SYT16: variants seen among roughly 807,000 people sequenced by gnomAD.
The protein encoded by SYT16 is synaptotagmin 16.
In SYT16, 42 loss-of-function variants were observed where a neutral mutation model predicts 61.4. The observed-to-expected ratio is 0.68, with a 90% CI of 0.53 to 0.89. The LOEUF (loss-of-function observed/expected upper bound fraction) is 0.89, where lower values mean the gene tolerates loss of function less well. SYT16 is among the 40% of genes least tolerant of loss of function. The pLI, the probability that SYT16 is intolerant of heterozygous loss-of-function variation, is 0.00. For synonymous variants in SYT16, 314 were observed against 302.3 expected, an observed-to-expected ratio of 1.04 and a Z score of -0.40; for missense variants, 804 against 807.3, an observed-to-expected ratio of 1.00 and a Z score of 0.05.
At chr14:61,818,539 G>A (rs570812656) in intron 1 of SYT16, among the ~76,000 whole-genome samples, 129 of 152,126 alleles carry the variant, frequency 8.5e-4, no homozygotes, top group Middle Eastern at 3.4e-3. Flanking sequence ...TTAGCAGGGC[G>A]TGGTGGCACT....
intron 1 of SYT16, among the ~76,000 whole-genome samples, chr14:61,926,551 A>G (rs2049546571): frequency 6.6e-6 from 1 of 152,196 alleles, no homozygotes; most frequent in Non-Finnish European, 1.5e-5. Context: ...AATTAAGGTC[A>G]GTTGGAAGGA....
At chr14:61,994,784 G>A (rs568201414) in intron 2 of SYT16, among the ~76,000 whole-genome samples, 1 of 152,300 alleles carries the variant, frequency 6.6e-6, no homozygotes, top group South Asian at 2.1e-4. Flanking sequence ...CATTGTGCCA[G>A]CATTTAATAG....
chr14:61,885,859 A>G (rs2047879251), intron 1 of SYT16, among the ~76,000 whole-genome samples: 1 of 152,184 alleles, frequency 6.6e-6, no homozygotes, highest in Non-Finnish European at 1.5e-5. Context: ...CAGTCATCTA[A>G]GTCTTCAGTG....
chr14:61,838,904 A>G (rs1314630894), intron 1 of SYT16, among the ~76,000 whole-genome samples: 1 of 152,146 alleles, frequency 6.6e-6, no homozygotes, highest in Non-Finnish European at 1.5e-5. Context: ...CTGCAGCTAA[A>G]TCTTCTCTTT....
chr14:62,090,706 TAGAAA>T (rs911724833), intron 7 of SYT16, among the ~76,000 whole-genome samples: 5 of 152,166 alleles, frequency 3.3e-5, no homozygotes, highest in Admixed American at 1.3e-4. Context: ...TTAAAAGCAA[TAGAAA>T]AGAAAAGATA....
Position 61,984,255 on chromosome 14 carries a change from TA to T in SYT16, c.-144-11620del, listed in dbSNP as rs201678193. Among the ~76,000 whole-genome samples, 1,065 of 152,296 alleles carry T rather than the reference TA, an allele frequency of 7.0e-3. 17 individuals are homozygous for T. The highest frequency in any genetic ancestry group is 0.025 in the African/African-American group (1,020 of 41,550). On this transcript the variant is annotated intron_variant, in intron 2 of 7. Transcript: ENST00000683842. ...AGATGTCAGAGTCCTTTTAAATTTT[TA>T]TTTTTCCTATTGTTTGTTTTTGTGG... is the stretch of plus-strand genomic sequence containing the variant.
chr14:61,847,933 A>C (rs1001167181), intron 1 of SYT16, among the ~76,000 whole-genome samples: 6 of 152,128 alleles, frequency 3.9e-5, no homozygotes, highest in Non-Finnish European at 5.9e-5. Context: ...TCTTTGTTAC[A>C]TTTATCTGAT....
At chr14:61,837,927 A>C (rs2046184164) in intron 1 of SYT16, among the ~76,000 whole-genome samples, 1 of 152,216 alleles carries the variant, frequency 6.6e-6, no homozygotes, top group Non-Finnish European at 1.5e-5. Context: ...ATTTGAAGAG[A>C]TACTTCATAG....
At chr14:62,036,081 G>T (rs2054494711) in intron 3 of SYT16, among the ~76,000 whole-genome samples, 1 of 152,042 alleles carries the variant, frequency 6.6e-6, no homozygotes, top group Non-Finnish European at 1.5e-5. Context: ...AGATTATTTT[G>T]GTAAGTGCTT....
intron 1 of SYT16, among the ~76,000 whole-genome samples, chr14:61,965,368 A>G (rs977613250): frequency 3.9e-5 from 6 of 152,182 alleles, no homozygotes; most frequent in Non-Finnish European, 8.8e-5. Context: ...AAGTACTCAT[A>G]AGCACAGAAA....
intron 1 of SYT16, among the ~76,000 whole-genome samples, chr14:61,843,687 G>C (rs1042005612): frequency 7.9e-5 from 12 of 152,056 alleles, no homozygotes; most frequent in Admixed American, 7.9e-4. Flanking sequence ...TATGCTCTTG[G>C]CACCTTTGTC....
intron 3 of SYT16, among the ~76,000 whole-genome samples, chr14:62,041,626 C>T (rs531893818): frequency 2.6e-5 from 4 of 152,186 alleles, no homozygotes; most frequent in Non-Finnish European, 5.9e-5. Context: ...CTGCCTCAGC[C>T]TCCTGAGTAG....
chr14:62,032,059 G>A (rs1182176702), intron 3 of SYT16, among the ~76,000 whole-genome samples: 1 of 152,152 alleles, frequency 6.6e-6, no homozygotes, highest in African/African-American at 2.4e-5. Flanking sequence ...AATGGCTAGA[G>A]AGGTTAGAAG....
intron 1 of SYT16, among the ~76,000 whole-genome samples, chr14:61,819,794 C>A (rs907315155): frequency 8.5e-5 from 13 of 152,302 alleles, no homozygotes; most frequent in African/African-American, 3.1e-4. Flanking sequence ...GAGTCGTGAA[C>A]TCTGGTCCTG....
chr14:61,923,469 AT>A (rs1362562380), intron 1 of SYT16, among the ~76,000 whole-genome samples: 6 of 152,170 alleles, frequency 3.9e-5, no homozygotes, highest in Non-Finnish European at 8.8e-5. Context: ...TCAAGCAACC[AT>A]TCCAGGAACC....
At chr14:61,920,165 T>C (rs2049276269) in intron 1 of SYT16, among the ~76,000 whole-genome samples, 1 of 152,192 alleles carries the variant, frequency 6.6e-6, no homozygotes, top group South Asian at 2.1e-4. Context: ...CCTCCTACCT[T>C]GTTGGTTGCT....
intron 1 of SYT16, among the ~76,000 whole-genome samples, chr14:61,966,889 T>G (rs2051336610): frequency 6.6e-6 from 1 of 152,154 alleles, no homozygotes; most frequent in Non-Finnish European, 1.5e-5. Context: ...ATAGAAGAGT[T>G]CCAACATTTA....
At chr14:62,023,200 C>T (rs2053977068) in intron 3 of SYT16, among the ~76,000 whole-genome samples, 1 of 152,098 alleles carries the variant, frequency 6.6e-6, no homozygotes, top group South Asian at 2.1e-4. Context: ...AGTGGATTAC[C>T]TTGACACTTT....
rs958265508 is a variant in SYT16, at chr14:62,106,732, A to G, written c.*6025A>G. The G allele has an allele frequency of 4.6e-5, 7 of 152,026 alleles. No homozygotes were observed. The highest frequency in any genetic ancestry group is 9.7e-5 in the African/African-American group (4 of 41,392). 9.4% of individuals were successfully genotyped at this position (152,026 alleles called of 1,614,324 possible). A position where few individuals can be genotyped will look rare whatever the true frequency, so the allele number is the denominator to read the frequency against. ...AGGCTCAGGGGGAGTTTCCTCTCCTATGGTGCTTTGACTGTTTTTGTTTCC... is the reference window on the plus strand; with the variant it reads ...AGGCTCAGGGGGAGTTTCCTCTCCTGTGGTGCTTTGACTGTTTTTGTTTCC... On this transcript the variant is annotated 3_prime_UTR_variant, in exon 8 of 8. Coordinates refer to ENST00000683842, the MANE Select transcript of SYT16 (RefSeq NM_001367656.1).
Sources: gnomAD v4.1 joint callset for allele counts (sites outside exome capture counted in the v4.1 genomes callset) on GRCh38, gnomAD v4.1.1 for gene constraint, MANE v1.5 for transcripts, NCBI Gene and HGNC (gene_info 2026-07-23, HGNC 2026-07-21) for gene names.